The following KCNIP4 variants were observed in gnomAD, a reference collection of about 807,000 sequenced individuals.
KCNIP4 encodes the protein Kv channel-interacting protein 4.
KCNIP4 carries 12 observed loss-of-function variants against 34.0 expected under a neutral mutation model. The ratio of observed to expected loss-of-function variants is 0.35; its 90% CI spans 0.23 to 0.57. The LOEUF (loss-of-function observed/expected upper bound fraction) is 0.57. Among genes scored for constraint, KCNIP4 ranks in the 20% least tolerant of loss-of-function variants. The pLI is 0.83. For synonymous variants in KCNIP4, 124 were observed against 102.2 expected (o/e 1.21, Z -1.29); for missense variants, 238 against 311.7 (o/e 0.76, Z 1.78).
intron 1 of KCNIP4, among the ~76,000 whole-genome samples, chr4:21,044,670 A>C (rs531641309): frequency 6.6e-6 from 1 of 152,248 alleles, no homozygotes; most frequent in South Asian, 2.1e-4. Flanking sequence ...AAGAAGTCCA[A>C]CCACCTACCC....
intron 1 of KCNIP4, among the ~76,000 whole-genome samples, chr4:21,801,992 G>A (rs116705606): frequency 0.016 from 2,391 of 151,902 alleles, 70 homozygotes; most frequent in African/African-American, 0.054. Context: ...TAGGTGGGGT[G>A]CATAGGGTAG....
intron 1 of KCNIP4, among the ~76,000 whole-genome samples, chr4:21,606,839 G>C (rs540053029): frequency 3.3e-5 from 5 of 151,984 alleles, no homozygotes; most frequent in Admixed American, 3.3e-4. Context: ...TTTTTACTCT[G>C]CCTGCATTCT....
chr4:21,546,575 T>C (rs1235292521), intron 1 of KCNIP4, among the ~76,000 whole-genome samples: 2 of 152,142 alleles, frequency 1.3e-5, no homozygotes, highest in Non-Finnish European at 1.5e-5. Flanking sequence ...CTAAAATGTT[T>C]GTTTTTCTTA....
chr4:21,430,390 C>G (rs993868272), intron 1 of KCNIP4, among the ~76,000 whole-genome samples: 1 of 149,702 alleles, frequency 6.7e-6, no homozygotes, highest in Admixed American at 6.7e-5. Flanking sequence ...ATTCTATTAG[C>G]AAAGTAGAAG....
At chr4:21,714,700 GA>G (rs767117924) in intron 1 of KCNIP4, among the ~76,000 whole-genome samples, 6 of 152,008 alleles carry the variant, frequency 3.9e-5, no homozygotes, top group Non-Finnish European at 8.8e-5. Context: ...AGATAAAGGT[GA>G]AGTAATTGAG....
At chr4:21,460,286 T>G (rs1729343931) in intron 1 of KCNIP4, among the ~76,000 whole-genome samples, 1 of 152,000 alleles carries the variant, frequency 6.6e-6, no homozygotes, top group Non-Finnish European at 1.5e-5. Flanking sequence ...CTCTCACCTT[T>G]AAATTTTACC....
chr4:21,437,240 C>T (rs1727021179), intron 1 of KCNIP4, among the ~76,000 whole-genome samples: 1 of 152,098 alleles, frequency 6.6e-6, no homozygotes, highest in African/African-American at 2.4e-5. Flanking sequence ...CTCAGGCACC[C>T]TATATATTTT....
Position 20,729,952 on chromosome 4 carries a change from A to G in KCNIP4, c.*130T>C. On this transcript the variant is annotated 3_prime_UTR_variant, in exon 9 of 9. Coordinates refer to ENST00000382152, the MANE Select transcript of KCNIP4 (RefSeq NM_025221.6). The stretch of plus-strand genomic sequence containing the variant: ...ATCTTTTGGGGATTGCTTTATATTA[A>G]AACAAAGCTTGTTTGCATAATATGC... 2 of 1,127,276 alleles carry G rather than the reference A, an allele frequency of 1.8e-6. No homozygotes were observed. Among genetic ancestry groups the G allele is most frequent in the Non-Finnish European group, 2.4e-6 (2 of 831,674 alleles). 69.8% of individuals were successfully genotyped at this position (1,127,276 alleles called of 1,614,324 possible). A position where few individuals can be genotyped will look rare whatever the true frequency, so the allele number is the denominator to read the frequency against.
intron 1 of KCNIP4, among the ~76,000 whole-genome samples, chr4:21,032,799 G>A (rs1309465172): frequency 2.3e-5 from 3 of 128,870 alleles, no homozygotes; most frequent in East Asian, 2.3e-4. Context: ...CAACGAGCTC[G>A]TTGTCATTAC....
chr4:20,988,513 G>C (rs1194236624), intron 1 of KCNIP4, among the ~76,000 whole-genome samples: 2 of 152,116 alleles, frequency 1.3e-5, no homozygotes, highest in Non-Finnish European at 2.9e-5. Context: ...CCACGTGATA[G>C]TCTCGGTTAA....
chr4:20,783,596 A>T (rs185307619), intron 3 of KCNIP4, among the ~76,000 whole-genome samples: 7 of 152,278 alleles, frequency 4.6e-5, no homozygotes, highest in Non-Finnish European at 1.5e-5. Context: ...CCATTATTTA[A>T]ATTAGCTCCC....
intron 1 of KCNIP4, among the ~76,000 whole-genome samples, chr4:21,002,239 G>C (rs765984479): frequency 6.6e-6 from 1 of 152,142 alleles, no homozygotes; most frequent in Admixed American, 6.5e-5. Flanking sequence ...TGATGAGCCC[G>C]GAGCCAATTT....
At chr4:20,904,516 AG>A (rs1442693743) in intron 1 of KCNIP4, among the ~76,000 whole-genome samples, 1 of 152,008 alleles carries the variant, frequency 6.6e-6, no homozygotes, top group Non-Finnish European at 1.5e-5. Context: ...CTTTTTAAAA[AG>A]ATGGGTGCTT....
intron 1 of KCNIP4, among the ~76,000 whole-genome samples, chr4:21,790,372 C>T (rs181167443): frequency 4.6e-5 from 7 of 152,272 alleles, no homozygotes; most frequent in African/African-American, 1.2e-4. Context: ...ATACTCTACA[C>T]ACACTCATTG....
intron 4 of KCNIP4, among the ~76,000 whole-genome samples, chr4:20,753,198 CT>C (rs1284549395): frequency 1.3e-5 from 2 of 152,084 alleles, no homozygotes; most frequent in Non-Finnish European, 2.9e-5. Context: ...AAAATAGGGA[CT>C]TGTAGTGACA....
At chr4:20,899,407 C>T (rs1318265438) in intron 1 of KCNIP4, among the ~76,000 whole-genome samples, 3 of 152,062 alleles carry the variant, frequency 2.0e-5, no homozygotes, top group African/African-American at 7.2e-5. Flanking sequence ...AGAAACTGAG[C>T]CAGGAAAATC....
intron 1 of KCNIP4, among the ~76,000 whole-genome samples, chr4:20,917,492 G>A (rs990827372): frequency 2.0e-5 from 3 of 152,150 alleles, no homozygotes; most frequent in Non-Finnish European, 4.4e-5. Flanking sequence ...ACGTGGTCCT[G>A]CCCTCAGGAA....
intron 1 of KCNIP4, among the ~76,000 whole-genome samples, chr4:21,265,485 G>C (rs2322878): frequency 0.26 from 39,034 of 152,036 alleles, 5,189 homozygotes; most frequent in South Asian, 0.35. Flanking sequence ...GGCTTTTGTT[G>C]AGTGAAGTCA....
intron 3 of KCNIP4, among the ~76,000 whole-genome samples, chr4:20,844,072 C>G (rs1314270453): frequency 2.6e-5 from 4 of 152,114 alleles, no homozygotes; most frequent in Admixed American, 6.6e-5. Context: ...CATTTATTTT[C>G]TTATCTACAT....
Sources: allele counts gnomAD v4.1 joint callset (sites outside exome capture counted in the v4.1 genomes callset), GRCh38; gene constraint gnomAD v4.1.1; transcripts MANE v1.5; gene names NCBI Gene and HGNC (gene_info 2026-07-23, HGNC 2026-07-21).